The following CCDC171 variants were observed in gnomAD, a reference collection of about 807,000 sequenced individuals.
CCDC171 encodes the protein coiled-coil domain-containing protein 171.
CCDC171 carries 177 observed loss-of-function variants against 168.2 expected under a neutral mutation model. The ratio of observed to expected loss-of-function variants is 1.05; its 90% CI spans 0.93 to 1.19. The LOEUF is 1.19. CCDC171 is among the 50% of genes most tolerant of loss of function. The pLI, the probability that CCDC171 is intolerant of heterozygous loss-of-function variation, is 0.00. For missense variants in CCDC171, 1,991 were observed against 1,539.0 expected (o/e 1.29, Z -4.91); for synonymous variants, 687 against 540.8 (o/e 1.27, Z -3.75).
intron 3 of CCDC171, among the ~76,000 whole-genome samples, chr9:15,992,417 T>C (rs2132915260): frequency 6.6e-6 from 1 of 152,232 alleles, no homozygotes. Flanking sequence ...AAACTCTCAA[T>C]AAATTAGGTA....
In CCDC171 at chr9:15,794,461, C is replaced by T. The variant is rs142555683; in HGVS notation, c.3267+9767C>T. ...GCTGGGTGACAGAGCGAGACTCTGT[C>T]CCCGCCCCCACCCCCCCACCAAAAA... On this transcript the variant is annotated intron_variant, in intron 21 of 25. Coordinates refer to ENST00000380701, the MANE Select transcript of CCDC171 (RefSeq NM_173550.4). Among the ~76,000 whole-genome samples, 16 of 143,584 alleles carry T rather than the reference C, an allele frequency of 1.1e-4. No homozygotes were observed. In the East Asian group the frequency reaches 3.5e-3, roughly 32 times the overall value. The allele number at this position is 143,584 out of a possible 152,430, so 94.2% of individuals were successfully genotyped here.
At chr9:15,744,207 T>C in intron 16 of CCDC171, 66 bp from the exon 17 acceptor site, 1 of 1,335,724 alleles carries the variant, frequency 7.5e-7, no homozygotes, top group South Asian at 1.5e-5. Flanking sequence ...TTTCTTTGAG[T>C]AAAGGGAAAT....
intron 8 of CCDC171, among the ~76,000 whole-genome samples, chr9:15,662,466 T>C (rs2048389611): frequency 6.6e-6 from 1 of 152,184 alleles, no homozygotes; most frequent in Non-Finnish European, 1.5e-5. Context: ...CCTGTGACGC[T>C]TGCCTCACAC....
At chr9:15,976,130 G>T (rs572791369), downstream of CCDC171, among the ~76,000 whole-genome samples, 1 of 152,284 alleles carries the variant, frequency 6.6e-6, no homozygotes, top group Non-Finnish European at 1.5e-5. Flanking sequence ...CTCCAGGATT[G>T]TAAGAGAATA....
chr9:15,705,086 C>G (rs1238590158), intron 11 of CCDC171, among the ~76,000 whole-genome samples: 1 of 64,028 alleles, frequency 1.6e-5, no homozygotes, highest in Non-Finnish European at 3.5e-5. Flanking sequence ...CTTAAGTATC[C>G]TTACGACACA....
downstream of CCDC171, among the ~76,000 whole-genome samples, chr9:15,974,692 G>A (rs1370769471): frequency 6.6e-6 from 1 of 152,140 alleles, no homozygotes; most frequent in East Asian, 1.9e-4. Context: ...AAAATTGCCA[G>A]TTCAGTGATA....
intron 6 of CCDC171, among the ~76,000 whole-genome samples, chr9:15,596,018 G>A (rs1419311403): frequency 5.3e-5 from 8 of 152,036 alleles, no homozygotes; most frequent in African/African-American, 9.7e-5. Flanking sequence ...AAATTTGTTT[G>A]AGTTCTTTGT....
In CCDC171 at chr9:15,744,315, C is replaced by A. The variant is rs769364469; in HGVS notation, c.2092C>A (p.His698Asn). Residue 698 changes from histidine to asparagine, a missense_variant, in exon 17 of 26, where the codon CAT becomes AAT. Coordinates refer to ENST00000380701, the MANE Select transcript of CCDC171 (RefSeq NM_173550.4). ...TGAAAAAAACATGGAAAAATTGAAC[C>A]ATATTGAGAAGTCACATGAACAGTT... ...IAEKNMEKLN[H>N]IEKSHEQLVL... 3.1e-6 allele frequency: 5 copies of A among 1,593,132 alleles called. No homozygotes were observed. The highest frequency in any genetic ancestry group is 4.3e-6 in the Non-Finnish European group (5 of 1,173,236).
chr9:15,844,171 T>C (rs544615097), intron 21 of CCDC171, among the ~76,000 whole-genome samples: 25 of 152,206 alleles, frequency 1.6e-4, no homozygotes, highest in African/African-American at 5.5e-4. Context: ...CGCGCCCTCT[T>C]GGTTTGTCAT....
At chr9:15,852,983 C>G (rs1262782847) in intron 23 of CCDC171, among the ~76,000 whole-genome samples, 1 of 151,434 alleles carries the variant, frequency 6.6e-6, no homozygotes, top group Non-Finnish European at 1.5e-5. Flanking sequence ...GTTTTGATGA[C>G]GATGTTTTCT....
intron 24 of CCDC171, among the ~76,000 whole-genome samples, chr9:15,909,822 G>A (rs1823347413): frequency 6.6e-6 from 1 of 151,910 alleles, no homozygotes; most frequent in African/African-American, 2.4e-5. Context: ...TTCTAATGGT[G>A]GTCTTTTTAT....
At chr9:16,079,254 C>T in the CCDC171 span, among the ~76,000 whole-genome samples, 7 of 152,182 alleles carry the variant, frequency 4.6e-5, no homozygotes, top group Admixed American at 1.3e-4. Context: ...CCTGGTGTTA[C>T]GGTTTGAATT....
At chr9:15,891,445 T>C (rs1035040447) in intron 24 of CCDC171, among the ~76,000 whole-genome samples, 12 of 152,158 alleles carry the variant, frequency 7.9e-5, no homozygotes, top group Non-Finnish European at 1.3e-4. Flanking sequence ...GTGTCTTTGG[T>C]CCATTGTCAG....
At chr9:15,677,806 TAC>T (rs576144654) in intron 9 of CCDC171, among the ~76,000 whole-genome samples, 102 of 136,928 alleles carry the variant, frequency 7.4e-4, no homozygotes, top group Admixed American at 1.1e-3. Flanking sequence ...CTCATATATA[TAC>T]ACACACACAC....
intron 16 of CCDC171, among the ~76,000 whole-genome samples, chr9:15,732,858 G>T (rs1442691268): frequency 6.6e-6 from 1 of 152,076 alleles, no homozygotes; most frequent in African/African-American, 2.4e-5. Flanking sequence ...TGGTTATATG[G>T]TAAGTGTAAC....
downstream of CCDC171, among the ~76,000 whole-genome samples, chr9:16,062,355 G>A (rs1467081674): frequency 2.6e-5 from 4 of 152,030 alleles, no homozygotes; most frequent in African/African-American, 4.8e-5. Context: ...AACACTGAGC[G>A]CACATGGACA....
At chr9:16,059,715 C>G (rs893608700) in intron 1 of CCDC171, among the ~76,000 whole-genome samples, 3 of 150,492 alleles carry the variant, frequency 2.0e-5, no homozygotes, top group African/African-American at 4.9e-5. Flanking sequence ...GGGGTTTCAC[C>G]TTGTTAGCCA....
chr9:16,091,474 A>G, the CCDC171 span, among the ~76,000 whole-genome samples: 43 of 152,204 alleles, frequency 2.8e-4, no homozygotes, highest in Non-Finnish European at 8.8e-5. Context: ...AGGAGTCACC[A>G]TCTAGTGTAG....
the CCDC171 span, among the ~76,000 whole-genome samples, chr9:16,071,503 C>A: frequency 6.0e-5 from 9 of 150,214 alleles, no homozygotes. Context: ...TGGCCCCACT[C>A]CCACAGTTGT....
Sources: gnomAD v4.1 joint callset for allele counts (sites outside exome capture counted in the v4.1 genomes callset) on GRCh38, gnomAD v4.1.1 for gene constraint, MANE v1.5 for transcripts, NCBI Gene and HGNC (gene_info 2026-07-23, HGNC 2026-07-21) for gene names.